Variants in NRXN1 observed in about 807,000 individuals in gnomAD.
NRXN1 encodes neurexin-1.
A neutral mutation model predicts 150.9 loss-of-function variants in NRXN1; 39 were observed. That is an observed-to-expected ratio of 0.26 (90% CI 0.20 to 0.34). The LOEUF is 0.34. Ranked by LOEUF, NRXN1 falls within the 10% of genes least tolerant of loss-of-function variation. The pLI is 1.00. For synonymous variants in NRXN1, 924 were observed against 757.0 expected, an observed-to-expected ratio of 1.22 and a Z score of -3.62; for missense variants, 1,815 against 1,949.9, an observed-to-expected ratio of 0.93 and a Z score of 1.30.
At chr2:49,977,464 T>A (rs1440628091) in intron 21 of NRXN1, among the ~76,000 whole-genome samples, 2 of 152,208 alleles carry the variant, frequency 1.3e-5, no homozygotes, top group African/African-American at 2.4e-5. Context: ...AGAGAAACCA[T>A]GTTCTAAATG....
At chr2:50,276,214 C>T (rs2070443956) in intron 17 of NRXN1, among the ~76,000 whole-genome samples, 1 of 151,880 alleles carries the variant, frequency 6.6e-6, no homozygotes, top group Non-Finnish European at 1.5e-5. Context: ...TATATTATTG[C>T]AGGGAATCCT....
intron 17 of NRXN1, among the ~76,000 whole-genome samples, chr2:50,387,813 C>G (rs1487187189): frequency 6.6e-6 from 1 of 152,094 alleles, no homozygotes; most frequent in Non-Finnish European, 1.5e-5. Context: ...TAATCAGCAC[C>G]ATTATGAACT....
intron 18 of NRXN1, among the ~76,000 whole-genome samples, chr2:50,161,483 C>A (rs2152786940): frequency 6.6e-6 from 1 of 152,240 alleles, no homozygotes; most frequent in African/African-American, 2.4e-5. Flanking sequence ...ACTGAGTATA[C>A]TTCTTGGGTA....
At chr2:50,046,358 G>A (rs1280763448) in intron 21 of NRXN1, among the ~76,000 whole-genome samples, 1 of 152,088 alleles carries the variant, frequency 6.6e-6, no homozygotes, top group Non-Finnish European at 1.5e-5. Flanking sequence ...AATTCAGCTT[G>A]GTACATGCCA....
intron 5 of NRXN1, among the ~76,000 whole-genome samples, chr2:50,783,247 C>T (rs1351102894): frequency 6.6e-6 from 1 of 152,094 alleles, no homozygotes; most frequent in Non-Finnish European, 1.5e-5. Context: ...AAGCCTACAT[C>T]GCAATCTACT....
intron 5 of NRXN1, among the ~76,000 whole-genome samples, chr2:50,628,349 A>G (rs1203137831): frequency 2.0e-5 from 3 of 151,750 alleles, no homozygotes; most frequent in Non-Finnish European, 4.4e-5. Context: ...AGTAATTCAA[A>G]TTTACATTAA....
At chr2:50,410,748 A>G (rs2083090350) in intron 17 of NRXN1, among the ~76,000 whole-genome samples, 1 of 152,224 alleles carries the variant, frequency 6.6e-6, no homozygotes. Flanking sequence ...TGCCAAAAGG[A>G]GATGCAGAGT....
chr2:50,151,299 C>T (rs904079233), intron 18 of NRXN1, among the ~76,000 whole-genome samples: 1 of 151,664 alleles, frequency 6.6e-6, no homozygotes, highest in African/African-American at 2.4e-5. Context: ...ACAAACCAAA[C>T]AATTCTAATC....
chr2:50,390,983 T>C (rs370871242), intron 17 of NRXN1, among the ~76,000 whole-genome samples: 1 of 152,156 alleles, frequency 6.6e-6, no homozygotes, highest in Non-Finnish European at 1.5e-5. Flanking sequence ...AATAAACCCC[T>C]GAAGCACAGA....
chr2:50,628,477 T>C (rs1485004778), intron 5 of NRXN1, among the ~76,000 whole-genome samples: 1 of 151,738 alleles, frequency 6.6e-6, no homozygotes, highest in Non-Finnish European at 1.5e-5. Flanking sequence ...TTCTTTTTCA[T>C]GAAAGAACAT....
intron 21 of NRXN1, among the ~76,000 whole-genome samples, chr2:49,963,711 CA>C (rs1202830821): frequency 6.6e-6 from 1 of 152,122 alleles, no homozygotes; most frequent in African/African-American, 2.4e-5. Context: ...CATCTTTCAC[CA>C]AACAAAACAG....
At chr2:49,950,703 T>C (rs1014579593) in intron 21 of NRXN1, among the ~76,000 whole-genome samples, 1 of 152,036 alleles carries the variant, frequency 6.6e-6, no homozygotes, top group Admixed American at 6.6e-5. Flanking sequence ...AATTCACCAA[T>C]AGCATCCTTA....
chr2:50,665,383 C>G (rs569751119), intron 5 of NRXN1, among the ~76,000 whole-genome samples: 112 of 151,998 alleles, frequency 7.4e-4, no homozygotes, highest in Non-Finnish European at 1.4e-3. Context: ...CCAGAATTAA[C>G]TTATTTCATG....
intron 21 of NRXN1, among the ~76,000 whole-genome samples, chr2:49,946,083 G>A (rs1281498920): frequency 6.6e-6 from 1 of 152,130 alleles, no homozygotes; most frequent in Non-Finnish European, 1.5e-5. Flanking sequence ...CATTCTAACT[G>A]GCATGAGATG....
intron 2 of NRXN1, among the ~76,000 whole-genome samples, chr2:51,006,594 T>G (rs190587594): frequency 1.1e-3 from 163 of 152,020 alleles, no homozygotes; most frequent in African/African-American, 3.9e-3. Context: ...TATAGTCTTA[T>G]AATAACCTTC....
chr2:49,945,735 G>A (rs1672777186), intron 21 of NRXN1, among the ~76,000 whole-genome samples: 1 of 152,088 alleles, frequency 6.6e-6, no homozygotes, highest in Admixed American at 6.6e-5. Context: ...TTTTATGGCT[G>A]CATAGTATTC....
chr2:50,891,015 T>C (rs1225002409), intron 5 of NRXN1, among the ~76,000 whole-genome samples: 2 of 152,044 alleles, frequency 1.3e-5, no homozygotes, highest in African/African-American at 2.4e-5. Context: ...CACATGTTTA[T>C]ACATGGTCAA....
chr2:50,366,042 G>A (rs2079554431), intron 17 of NRXN1, among the ~76,000 whole-genome samples: 1 of 151,718 alleles, frequency 6.6e-6, no homozygotes, highest in Non-Finnish European at 1.5e-5. Context: ...AATTTGGAGG[G>A]ATGAATGTTA....
chr2:49,981,768 G>A (rs1397548388), intron 21 of NRXN1, among the ~76,000 whole-genome samples: 1 of 152,166 alleles, frequency 6.6e-6, no homozygotes. Flanking sequence ...TCAGTGAACA[G>A]AAGATATTTT....
Sources: gnomAD v4.1 joint callset for allele counts (sites outside exome capture counted in the v4.1 genomes callset) on GRCh38, gnomAD v4.1.1 for gene constraint, MANE v1.5 for transcripts, NCBI Gene and HGNC (gene_info 2026-07-23, HGNC 2026-07-21) for gene names.